Variants in FOXP2 observed in about 807,000 individuals in gnomAD.
FOXP2 encodes forkhead box protein P2.
A neutral mutation model predicts 115.8 loss-of-function variants in FOXP2; 12 were observed. The observed-to-expected ratio is 0.10, with a 90% CI of 0.07 to 0.17. The LOEUF is 0.17. Among genes scored for constraint, FOXP2 ranks in the 10% least tolerant of loss-of-function variants. FOXP2 has a pLI of 1.00. For missense variants in FOXP2, 629 were observed against 843.5 expected (o/e 0.75, Z 3.15); for synonymous variants, 328 against 297.7 (o/e 1.10, Z -1.05).
intron 2 of FOXP2, among the ~76,000 whole-genome samples, chr7:114,473,089 GCTCT>G (rs1796117910): frequency 6.6e-6 from 1 of 152,068 alleles, no homozygotes; most frequent in South Asian, 2.1e-4. Flanking sequence ...TAAGGCACTA[GCTCT>G]CTAAGTTTTA....
intron 1 of FOXP2, among the ~76,000 whole-genome samples, chr7:114,227,017 G>T (rs937880225): frequency 2.6e-5 from 4 of 152,078 alleles, no homozygotes; most frequent in African/African-American, 4.8e-5. Flanking sequence ...GGAGGGAAAA[G>T]TCAATCTTTT....
chr7:114,366,003 G>T (rs1791871274), intron 2 of FOXP2, among the ~76,000 whole-genome samples: 1 of 151,982 alleles, frequency 6.6e-6, no homozygotes, highest in Admixed American at 6.6e-5. Context: ...TCAGAGTACA[G>T]ACCCATTGAC....
chr7:114,642,933 C>T (rs182616635), intron 7 of FOXP2, among the ~76,000 whole-genome samples: 1 of 149,886 alleles, frequency 6.7e-6, no homozygotes, highest in African/African-American at 2.5e-5. Context: ...CCCAGCCTCC[C>T]GAGTAGCTGG....
chr7:114,657,928 T>G (rs987604031), intron 10 of FOXP2, 138 bp from the exon 11 acceptor site: 20 of 838,096 alleles, frequency 2.4e-5, no homozygotes, highest in East Asian at 1.0e-4. Context: ...TGTAATTAGT[T>G]GAGATTGGCT....
intron 2 of FOXP2, among the ~76,000 whole-genome samples, chr7:114,525,429 G>A (rs969478754): frequency 2.6e-5 from 4 of 152,112 alleles, no homozygotes; most frequent in Non-Finnish European, 5.9e-5. Context: ...AGTCCTGGAG[G>A]CAATATTCCA....
intron 2 of FOXP2, among the ~76,000 whole-genome samples, chr7:114,494,721 T>G (rs1797230854): frequency 6.6e-6 from 1 of 152,164 alleles, no homozygotes; most frequent in Non-Finnish European, 1.5e-5. Context: ...TGGAATAATT[T>G]TAAAAATTGA....
At chr7:114,188,319 T>C (rs182288128) in intron 1 of FOXP2, among the ~76,000 whole-genome samples, 5 of 152,318 alleles carry the variant, frequency 3.3e-5, no homozygotes, top group Admixed American at 3.3e-4. Flanking sequence ...TGGTACTTTC[T>C]TCCTAGTTCA....
Position 114,692,003 on chromosome 7 carries a change from G to A in FOXP2, c.*2077G>A, listed in dbSNP as rs567311218. The A allele has an allele frequency of 1.1e-4, 48 of 449,754 alleles. No individual in the cohort carries two copies. The highest frequency in any genetic ancestry group is 1.7e-4 in the Non-Finnish European group (39 of 225,464). 27.9% of individuals were successfully genotyped at this position (449,754 alleles called of 1,614,324 possible). A position where few individuals can be genotyped will look rare whatever the true frequency, so the allele number is the denominator to read the frequency against. ...GGCAGATTGCATGAAACGTGAGAAC[G>A]TCACAGTAACTGCTACTTTTCATTA... On this transcript the variant is annotated 3_prime_UTR_variant, in exon 17 of 17. Coordinates refer to ENST00000350908, the MANE Select transcript of FOXP2 (RefSeq NM_014491.4).
At chr7:114,111,703 G>A (rs565768183) in intron 1 of FOXP2, among the ~76,000 whole-genome samples, 1 of 152,006 alleles carries the variant, frequency 6.6e-6, no homozygotes, top group South Asian at 2.1e-4. Context: ...GTGTAAAACA[G>A]GATTTAAAAA....
chr7:114,099,513 T>C (rs545283216), intron 1 of FOXP2, among the ~76,000 whole-genome samples: 1 of 152,214 alleles, frequency 6.6e-6, no homozygotes, highest in African/African-American at 2.4e-5. Context: ...CACAAATCCC[T>C]CTTCTAGGCA....
intron 2 of FOXP2, among the ~76,000 whole-genome samples, chr7:114,385,981 A>C (rs182945293): frequency 5.3e-5 from 8 of 152,362 alleles, no homozygotes; most frequent in African/African-American, 1.7e-4. Flanking sequence ...GAAGAGAACC[A>C]TGGAACCCAG....
At chr7:114,639,517 T>C (rs1160906874) in intron 6 of FOXP2, among the ~76,000 whole-genome samples, 1 of 151,572 alleles carries the variant, frequency 6.6e-6, no homozygotes, top group African/African-American at 2.4e-5. Flanking sequence ...TCAGAAACTG[T>C]TACATGATTT....
At position 114,556,616 on chromosome 7, in the gene FOXP2, T is replaced by C. The variant is rs574356149; in HGVS notation, c.258+21910T>C. Among the ~76,000 whole-genome samples the C allele has an allele frequency of 4.6e-5, 7 of 152,296 alleles. No individual in the cohort carries two copies. The South Asian group carries it at 1.4e-3, about 32-fold the overall frequency. On this transcript the variant is annotated intron_variant, in intron 3 of 16. Coordinates refer to ENST00000350908, the MANE Select transcript of FOXP2 (RefSeq NM_014491.4). The stretch of plus-strand genomic sequence containing the variant: ...CTTCATTCATTGAATCAAGTTCTAA[T>C]CCAAAAATACATTCCAATGGAAAAG...
At chr7:114,584,014 G>A (rs1801998588) in intron 3 of FOXP2, among the ~76,000 whole-genome samples, 1 of 152,112 alleles carries the variant, frequency 6.6e-6, no homozygotes, top group African/African-American at 2.4e-5. Context: ...CACCCTTTGA[G>A]GTATTACAAC....
chr7:114,406,979 T>A (rs1315364073), intron 2 of FOXP2, among the ~76,000 whole-genome samples: 1 of 151,722 alleles, frequency 6.6e-6, no homozygotes, highest in Non-Finnish European at 1.5e-5. Flanking sequence ...TTTAGTAACT[T>A]GAACAGAGAG....
At chr7:114,312,170 C>T (rs1034903782) in intron 2 of FOXP2, among the ~76,000 whole-genome samples, 55 of 152,178 alleles carry the variant, frequency 3.6e-4, no homozygotes, top group African/African-American at 1.3e-3. Flanking sequence ...TCCTGATTGC[C>T]AACATTATTT....
At position 114,490,396 on chromosome 7, in the gene FOXP2, T is replaced by C. The variant is rs573377474; in HGVS notation, c.169-44221T>C. ...TATGGAGATGTAAAAAGATCAGTGA[T>C]TGTCAGGGGCTCAGGGAGGTAGGGA... On this transcript the variant is annotated intron_variant, in intron 2 of 16. Coordinates refer to ENST00000350908, the MANE Select transcript of FOXP2 (RefSeq NM_014491.4). Among the ~76,000 whole-genome samples, 3 of 152,220 alleles carry C rather than the reference T, an allele frequency of 2.0e-5. No homozygotes were observed. The South Asian group carries it at 6.2e-4, about 32-fold the overall frequency.
chr7:114,369,300 A>C (rs1245119853), intron 2 of FOXP2, among the ~76,000 whole-genome samples: 3 of 152,234 alleles, frequency 2.0e-5, no homozygotes, highest in African/African-American at 7.2e-5. Context: ...CCTCCATCTT[A>C]CAACAGGACA....
At chr7:114,340,387 T>C (rs756878810) in intron 2 of FOXP2, among the ~76,000 whole-genome samples, 1 of 151,198 alleles carries the variant, frequency 6.6e-6, no homozygotes, top group Non-Finnish European at 1.5e-5. Context: ...ATATTAGCCC[T>C]TGTGTTGTGG....
Sources: gnomAD v4.1 joint callset for allele counts (sites outside exome capture counted in the v4.1 genomes callset) on GRCh38, gnomAD v4.1.1 for gene constraint, MANE v1.5 for transcripts, NCBI Gene and HGNC (gene_info 2026-07-23, HGNC 2026-07-21) for gene names.